Variants in RDH12 observed in about 807,000 individuals in gnomAD.
The protein encoded by RDH12 is all-trans and 9-cis retinol dehydrogenase.
A neutral mutation model predicts 34.0 loss-of-function variants in RDH12; 21 were observed. The ratio of observed to expected loss-of-function variants is 0.62; its 90% confidence interval spans 0.44 to 0.89. The LOEUF is 0.89. Ranked by LOEUF, RDH12 falls within the 40% of genes least tolerant of loss-of-function variation. The probability of loss-of-function intolerance (pLI) is 0.00; values close to 1 mark genes in which losing one functional copy is unlikely to be tolerated. For missense variants in RDH12, 394 were observed against 398.6 expected (o/e 0.99, Z 0.10); for synonymous variants, 198 against 169.9 (o/e 1.17, Z -1.29).
chr14:67,726,935 G>C, intron 6 of RDH12, 46 bp from the exon 7 acceptor site: 3 of 1,562,554 alleles, frequency 1.9e-6, no homozygotes, highest in Non-Finnish European at 2.6e-6. Flanking sequence ...TGCTGAGCCT[G>C]GGCTGTCATT....
At chr14:67,724,629 TC>T in intron 4 of RDH12, 38 bp downstream of exon 4, 1 of 1,435,326 alleles carries the variant, frequency 7.0e-7, no homozygotes, top group Non-Finnish European at 9.8e-7. Flanking sequence ...GGGCCATGCC[TC>T]CCACCCTTCT....
intron 1 of RDH12, among the ~76,000 whole-genome samples, chr14:67,714,347 T>C (rs1308793135): frequency 6.6e-6 from 1 of 152,058 alleles, no homozygotes; most frequent in Non-Finnish European, 1.5e-5. Context: ...ATTATGTTGC[T>C]CTTGGTCTCA....
At chr14:67,710,608 T>G (rs2140115171) in intron 1 of RDH12, among the ~76,000 whole-genome samples, 1 of 152,168 alleles carries the variant, frequency 6.6e-6, no homozygotes, top group Admixed American at 6.5e-5. Flanking sequence ...AAATCTTTAT[T>G]TTTATAACTT....
At chr14:67,705,725 A>AT (rs1426236603) in intron 1 of RDH12, among the ~76,000 whole-genome samples, 2 of 152,172 alleles carry the variant, frequency 1.3e-5, no homozygotes, top group African/African-American at 2.4e-5. Flanking sequence ...GTATGCAGGA[A>AT]TTTTTTGTAT....
intron 1 of RDH12, among the ~76,000 whole-genome samples, chr14:67,709,440 T>C (rs1412943795): frequency 1.3e-5 from 2 of 152,250 alleles, no homozygotes; most frequent in Non-Finnish European, 2.9e-5. Flanking sequence ...ATAACCTTTA[T>C]AACCTTTAGG....
intron 7 of RDH12, 98 bp from the exon 8 acceptor site, chr14:67,729,093 A>T: frequency 2.7e-5 from 32 of 1,181,854 alleles, no homozygotes; most frequent in Non-Finnish European, 3.6e-5. Flanking sequence ...ATGTTTCCTG[A>T]GTCCCTCCTT....
chr14:67,716,457 T>C (rs1346185068), intron 1 of RDH12, among the ~76,000 whole-genome samples: 1 of 152,266 alleles, frequency 6.6e-6, no homozygotes, highest in Non-Finnish European at 1.5e-5. Context: ...ATAAAAAATT[T>C]TCATTTTGAA....
At chr14:67,726,011 T>C (rs1279576154) in intron 5 of RDH12, 40 bp from the exon 6 acceptor site, 1 of 1,373,078 alleles carries the variant, frequency 7.3e-7, no homozygotes, top group Admixed American at 1.7e-5. Flanking sequence ...GCTAGGGGAC[T>C]CCTTGCTAAC....
chr14:67,725,969 G>A (rs2038179472), intron 5 of RDH12, 82 bp from the exon 6 acceptor site: 9 of 933,256 alleles, frequency 9.6e-6, no homozygotes, highest in Non-Finnish European at 1.6e-5. Flanking sequence ...TGAACAAAGG[G>A]AAAGGGCAAT....
chr14:67,704,355 A>C (rs1202583205), intron 1 of RDH12, among the ~76,000 whole-genome samples: 2 of 152,208 alleles, frequency 1.3e-5, no homozygotes, highest in Non-Finnish European at 2.9e-5. Context: ...GCATTTTTAA[A>C]ATAATTTTTT....
chr14:67,723,191 T>A (rs1056164259), intron 3 of RDH12, among the ~76,000 whole-genome samples: 1 of 152,212 alleles, frequency 6.6e-6, no homozygotes, highest in Non-Finnish European at 1.5e-5. Context: ...TTTTTTGCTG[T>A]GGGATTTCTA....
At chr14:67,702,624 GTTTA>G (rs2037911211) in intron 1 of RDH12, among the ~76,000 whole-genome samples, 2 of 152,170 alleles carry the variant, frequency 1.3e-5, no homozygotes, top group Admixed American at 6.5e-5. Flanking sequence ...TTTAAAGCCA[GTTTA>G]TTTATTAAAG....
chr14:67,722,789 A>G, intron 3 of RDH12, 79 bp downstream of exon 3: 2 of 1,198,618 alleles, frequency 1.7e-6, no homozygotes, highest in Non-Finnish European at 1.2e-6. Flanking sequence ...CTGAAAGAAG[A>G]GAAAGGGAAG....
At chr14:67,707,097 G>A (rs959459116) in intron 1 of RDH12, among the ~76,000 whole-genome samples, 1 of 152,188 alleles carries the variant, frequency 6.6e-6, no homozygotes, top group Non-Finnish European at 1.5e-5. Flanking sequence ...TGAAGTTTAA[G>A]TTGTCTAGCT....
intron 6 of RDH12, among the ~76,000 whole-genome samples, chr14:67,726,701 G>A (rs763531494): frequency 2.6e-5 from 4 of 152,310 alleles, no homozygotes; most frequent in South Asian, 2.1e-4. Context: ...CTAGTTATGC[G>A]ATCATGGCCA....
Position 67,713,241 on chromosome 14 carries a change from AAAAC to A in RDH12, c.-274-7583_-274-7580del, listed in dbSNP as rs755392263. Among the ~76,000 whole-genome samples, 120 of 150,984 alleles carry A rather than the reference AAAAC, an allele frequency of 7.9e-4. No homozygotes were observed. The Middle Eastern group carries it at 0.014, about 17-fold the overall frequency. ...ACTCTCTACCATCCTAGAAGCAGGA[AAAAC>A]AAACAAACAAACAAACAAACAAAAA... On this transcript the variant is annotated intron_variant, in intron 1 of 8. Coordinates refer to ENST00000551171, the MANE Select transcript of RDH12 (RefSeq NM_152443.3).
At chr14:67,702,855 C>G (rs2037914072) in intron 1 of RDH12, among the ~76,000 whole-genome samples, 1 of 152,054 alleles carries the variant, frequency 6.6e-6, no homozygotes, top group South Asian at 2.1e-4. Flanking sequence ...ACTCTGTTGC[C>G]CAGGGTAGAG....
intron 1 of RDH12, among the ~76,000 whole-genome samples, chr14:67,713,630 T>C (rs776734980): frequency 3.9e-5 from 6 of 152,198 alleles, no homozygotes; most frequent in Non-Finnish European, 8.8e-5. Context: ...GTTAACAAAA[T>C]GTAAACCCAG....
At chr14:67,729,589 T>G in intron 8 of RDH12, 3 of 642,338 alleles carry the variant, frequency 4.7e-6, no homozygotes, top group Non-Finnish European at 8.3e-6. Context: ...GGCTTTATTT[T>G]ATACTCGTGT....
Sources: gnomAD v4.1 joint callset for allele counts (sites outside exome capture counted in the v4.1 genomes callset) on GRCh38, gnomAD v4.1.1 for gene constraint, MANE v1.5 for transcripts, NCBI Gene and HGNC (gene_info 2026-07-23, HGNC 2026-07-21) for gene names.